Variants in POLA1 observed in about 807,000 individuals in gnomAD.
The protein encoded by POLA1 is DNA polymerase alpha 1, catalytic subunit, also known as DNA polymerase alpha catalytic subunit.
In POLA1, 15 loss-of-function variants were observed where a neutral mutation model predicts 124.0. That is an observed-to-expected ratio of 0.12 (90% CI 0.08 to 0.19). The LOEUF (loss-of-function observed/expected upper bound fraction) is 0.19, where lower values mean the gene tolerates loss of function less well. POLA1 is among the 10% of genes least tolerant of loss of function. The probability of loss-of-function intolerance (pLI) is 1.00; values close to 1 mark genes in which losing one functional copy is unlikely to be tolerated. For synonymous variants in POLA1, 408 were observed against 389.4 expected (o/e 1.05, Z -0.56); for missense variants, 886 against 1,103.4 (o/e 0.80, Z 2.79).
chrX:24,981,352 C>A (rs760006349), intron 36 of POLA1, among the ~76,000 whole-genome samples: 21 of 112,003 alleles, frequency 1.9e-4, no homozygotes, highest in Non-Finnish European at 3.4e-4. Context: ...GAGAGACCTT[C>A]CCCCCTCCAG....
intron 34 of POLA1, among the ~76,000 whole-genome samples, chrX:24,886,640 C>T (rs1337214227): frequency 2.7e-5 from 3 of 111,397 alleles, no homozygotes; most frequent in African/African-American, 9.8e-5. Flanking sequence ...GGATTAACAC[C>T]ACATGGAAAC....
chrX:24,796,845 A>C (rs2045615430), intron 26 of POLA1, among the ~76,000 whole-genome samples: 1 of 111,201 alleles, frequency 9.0e-6, no homozygotes, highest in Non-Finnish European at 1.9e-5. Flanking sequence ...CTGCCCTTGC[A>C]GTTCTGGTTG....
chrX:24,868,926 G>A (rs755441230), intron 34 of POLA1, among the ~76,000 whole-genome samples: 1 of 111,658 alleles, frequency 9.0e-6, no homozygotes, highest in Non-Finnish European at 1.9e-5. Flanking sequence ...ATGAGTGCTT[G>A]TATGTGGGAA....
At chrX:24,883,508 C>T (rs1186035220) in intron 34 of POLA1, among the ~76,000 whole-genome samples, 1 of 111,979 alleles carries the variant, frequency 8.9e-6, no homozygotes, top group Non-Finnish European at 1.9e-5. Context: ...CAGAAGAAGC[C>T]ATTTTAGTTG....
At chrX:24,941,117 T>C (rs751465486) in intron 36 of POLA1, among the ~76,000 whole-genome samples, 13 of 112,286 alleles carry the variant, frequency 1.2e-4, no homozygotes, top group Non-Finnish European at 2.3e-4. Context: ...TAACATTTCT[T>C]CTCATGGTTT....
At chrX:24,730,258 A>C (rs1930819363) in intron 15 of POLA1, among the ~76,000 whole-genome samples, 1 of 108,605 alleles carries the variant, frequency 9.2e-6, no homozygotes, top group South Asian at 4.0e-4. Context: ...TCTTTTTTTG[A>C]GATGGAGTCT....
chrX:24,792,559 G>C (rs1422075679), intron 26 of POLA1, among the ~76,000 whole-genome samples: 1 of 112,077 alleles, frequency 8.9e-6, no homozygotes, highest in Non-Finnish European at 1.9e-5. Flanking sequence ...ATTTAATAAG[G>C]CATGCCAAAT....
At chrX:24,724,509 G>A in intron 12 of POLA1, 58 bp downstream of exon 12, 2 of 569,656 alleles carry the variant, frequency 3.5e-6, no homozygotes, top group South Asian at 3.1e-5. Flanking sequence ...TTCTGATTTA[G>A]CAAATAGTTA....
chrX:24,826,077 A>C (rs1338193374), intron 31 of POLA1, among the ~76,000 whole-genome samples: 3 of 112,392 alleles, frequency 2.7e-5, no homozygotes, highest in Non-Finnish European at 5.6e-5. Flanking sequence ...TTCTGGCTAC[A>C]CTAATTGTTA....
intron 26 of POLA1, among the ~76,000 whole-genome samples, chrX:24,757,889 C>T (rs191723022): frequency 3.6e-5 from 4 of 111,730 alleles, no homozygotes; most frequent in Non-Finnish European, 7.5e-5. Context: ...CCAAGCATTT[C>T]GGATACTCAG....
intron 36 of POLA1, among the ~76,000 whole-genome samples, chrX:24,960,592 T>C (rs1452518546): frequency 8.9e-6 from 1 of 112,097 alleles, no homozygotes; most frequent in Non-Finnish European, 1.9e-5. Flanking sequence ...CAGGAGGATG[T>C]TAGATAAAAT....
chrX:24,739,302 C>A, intron 19 of POLA1, 73 bp from the exon 20 acceptor site: 1 of 762,373 alleles, frequency 1.3e-6, no homozygotes, highest in Non-Finnish European at 1.9e-6. Flanking sequence ...GGGCCAGCTT[C>A]AAAATAGGTT....
intron 26 of POLA1, among the ~76,000 whole-genome samples, chrX:24,808,832 G>A (rs1427462999): frequency 9.0e-6 from 1 of 111,652 alleles, no homozygotes; most frequent in African/African-American, 3.3e-5. Context: ...TTGACAAGGA[G>A]GACTATTGAA....
At chrX:24,937,323 G>A (rs1329035929) in intron 36 of POLA1, among the ~76,000 whole-genome samples, 3 of 111,464 alleles carry the variant, frequency 2.7e-5, no homozygotes, top group African/African-American at 9.8e-5. Context: ...AATTTGTGGT[G>A]TATATGCAAG....
intron 35 of POLA1, among the ~76,000 whole-genome samples, chrX:24,921,234 A>G (rs978274657): frequency 2.7e-5 from 3 of 112,772 alleles, no homozygotes; most frequent in African/African-American, 9.7e-5. Context: ...AGAGTAATTC[A>G]TTTAGTTATT....
At chrX:24,991,607 A>G (rs746127662) in intron 36 of POLA1, among the ~76,000 whole-genome samples, 1 of 112,612 alleles carries the variant, frequency 8.9e-6, no homozygotes, top group South Asian at 3.7e-4. Flanking sequence ...GGCTGCAGCA[A>G]GCCTGTGTTT....
intron 36 of POLA1, among the ~76,000 whole-genome samples, chrX:24,936,323 A>G (rs904078139): frequency 8.9e-6 from 1 of 112,163 alleles, no homozygotes; most frequent in African/African-American, 3.2e-5. Flanking sequence ...GATTTCCGCT[A>G]TATTTCCTGA....
At chrX:24,911,464 C>A (rs1196688204) in intron 35 of POLA1, among the ~76,000 whole-genome samples, 3 of 110,312 alleles carry the variant, frequency 2.7e-5, no homozygotes, top group Non-Finnish European at 5.7e-5. Context: ...TAAAGCAATG[C>A]TTAGAGGAAA....
chrX:24,914,223 T>A (rs1328043002), intron 35 of POLA1, among the ~76,000 whole-genome samples: 1 of 110,606 alleles, frequency 9.0e-6, no homozygotes, highest in Non-Finnish European at 1.9e-5. Context: ...CCAGTCAGTT[T>A]TACTATGCAA....
Sources: gnomAD v4.1 joint callset for allele counts (sites outside exome capture counted in the v4.1 genomes callset) on GRCh38, gnomAD v4.1.1 for gene constraint, MANE v1.5 for transcripts, NCBI Gene and HGNC (gene_info 2026-07-23, HGNC 2026-07-21) for gene names.